The following TRDN variants were observed in gnomAD, a reference collection of about 807,000 sequenced individuals.
TRDN encodes the protein triadin in skeletal muscle.
TRDN carries 161 observed loss-of-function variants against 149.7 expected under a neutral mutation model. The observed-to-expected ratio is 1.08, with a 90% CI of 0.95 to 1.23. The LOEUF is 1.23. Among genes scored for constraint, TRDN ranks in the 50% most tolerant of loss-of-function variants. TRDN has a pLI of 0.00. For missense variants in TRDN, 896 were observed against 823.5 expected, an observed-to-expected ratio of 1.09 and a Z score of -1.08; for synonymous variants, 294 against 250.5, an observed-to-expected ratio of 1.17 and a Z score of -1.64.
At chr6:123,346,282 G>A (rs147666335) in intron 21 of TRDN, among the ~76,000 whole-genome samples, 1 of 151,958 alleles carries the variant, frequency 6.6e-6, no homozygotes, top group Non-Finnish European at 1.5e-5. Flanking sequence ...ACTATTCATA[G>A]GGTCATGTGT....
At position 123,388,516 on chromosome 6, in the gene TRDN, A is replaced by G; in HGVS notation, c.1135+6T>C. The G allele has an allele frequency of 6.3e-7, 1 of 1,586,338 alleles. No individual in the cohort carries two copies. Among genetic ancestry groups the G allele is most frequent in the South Asian group, 1.1e-5 (1 of 87,248 alleles). On this transcript the variant is annotated splice_donor_region_variant and intron_variant, in intron 14 of 40. Transcript: ENST00000334268. ...AAGGCTCAGTGGGATTTTGCATAAAACATACCTTCCTTCTTTTCATCCTTC... is the reference window on the plus strand; with the variant it reads ...AAGGCTCAGTGGGATTTTGCATAAAGCATACCTTCCTTCTTTTCATCCTTC...
Position 123,571,066 on chromosome 6 carries a change from T to C in TRDN, c.89A>G (p.Lys30Arg), listed in dbSNP as rs781494795. The change falls in exon 2 of 41, where the codon AAA (lysine) becomes AGA (arginine). Residue 30 changes from lysine to arginine, a missense_variant. By Grantham distance (26) the Lys-to-Arg change is conservative. Coordinates refer to ENST00000334268, the MANE Select transcript of TRDN (RefSeq NM_006073.4). ...TTCTGTGACTGTCCTCTTCAGCACT[T>C]TTCCGGGGGATTTGGGCACAGATCC... ...KNGSVPKSPGKVLKRTVTEDI... is the reference protein window; with the variant it reads ...KNGSVPKSPGRVLKRTVTEDI... 36 of 1,613,866 alleles carry C rather than the reference T, an allele frequency of 2.2e-5. No individual in the cohort carries two copies. Among genetic ancestry groups the C allele is most frequent in the Non-Finnish European group, 3.1e-5 (36 of 1,179,876 alleles).
At position 123,438,924 on chromosome 6, in the gene TRDN, A is replaced by T. The variant is rs1225076299; in HGVS notation, c.991+20T>A. ...GGACACTAATTGATTTATGTGGTACATGGCTTTTAAATTTCCTACCTTTCT... is the reference window on the plus strand; with the variant it reads ...GGACACTAATTGATTTATGTGGTACTTGGCTTTTAAATTTCCTACCTTTCT... On this transcript the variant is annotated intron_variant, in intron 11 of 40. Transcript: ENST00000334268. 6.5e-7 allele frequency: 1 copy of T among 1,545,424 alleles called. No homozygotes were observed. Among genetic ancestry groups the T allele is most frequent in the Non-Finnish European group, 8.8e-7 (1 of 1,141,928 alleles).
chr6:123,344,020 C>A (rs1285057220), intron 21 of TRDN, among the ~76,000 whole-genome samples: 1 of 152,002 alleles, frequency 6.6e-6, no homozygotes, highest in Non-Finnish European at 1.5e-5. Flanking sequence ...TGTCAGGATA[C>A]AAAAAGACAG....
At chr6:123,332,200 T>C (rs1779684654) in intron 22 of TRDN, among the ~76,000 whole-genome samples, 1 of 152,100 alleles carries the variant, frequency 6.6e-6, no homozygotes, top group Admixed American at 6.6e-5. Flanking sequence ...TTTGGATGGA[T>C]AGGACCTTAT....
At chr6:123,396,010 G>T (rs999796888) in intron 12 of TRDN, among the ~76,000 whole-genome samples, 2 of 152,082 alleles carry the variant, frequency 1.3e-5, no homozygotes, top group African/African-American at 4.8e-5. Context: ...TATCATCCTT[G>T]AAACTATTGA....
At chr6:123,420,780 T>C (rs1773863651) in intron 12 of TRDN, among the ~76,000 whole-genome samples, 2 of 152,204 alleles carry the variant, frequency 1.3e-5, no homozygotes, top group South Asian at 4.1e-4. Context: ...CAGAATGGAC[T>C]CACTTTTTTT....
At chr6:123,250,544 A>G (rs1319771593) in intron 38 of TRDN, among the ~76,000 whole-genome samples, 1 of 152,140 alleles carries the variant, frequency 6.6e-6, no homozygotes, top group Non-Finnish European at 1.5e-5. Context: ...AAAGCATAAT[A>G]AAAACAATAA....
chr6:123,624,130 A>G (rs1785531569), intron 1 of TRDN, among the ~76,000 whole-genome samples: 1 of 152,148 alleles, frequency 6.6e-6, no homozygotes, highest in Non-Finnish European at 1.5e-5. Flanking sequence ...AAAAATATAT[A>G]CAAGTGATGT....
At chr6:123,262,689 G>A (rs754428822) in intron 33 of TRDN, among the ~76,000 whole-genome samples, 19 of 152,090 alleles carry the variant, frequency 1.2e-4, no homozygotes, top group East Asian at 3.9e-4. Flanking sequence ...TTCCAATGGC[G>A]TTTGCTTCCT....
chr6:123,470,223 G>A (rs1777077425), intron 9 of TRDN: 3 of 152,048 alleles, frequency 2.0e-5, no homozygotes, highest in African/African-American at 7.2e-5. Flanking sequence ...CTTCCTCTGA[G>A]GATACAATAA....
At chr6:123,347,574 TTAG>T (rs1421666807) in intron 21 of TRDN, among the ~76,000 whole-genome samples, 1 of 152,042 alleles carries the variant, frequency 6.6e-6, no homozygotes, top group Non-Finnish European at 1.5e-5. Context: ...GTCATTCCAT[TTAG>T]TAGATTTAAA....
intron 20 of TRDN, among the ~76,000 whole-genome samples, chr6:123,356,731 T>G (rs1229950551): frequency 6.6e-6 from 1 of 150,548 alleles, no homozygotes; most frequent in Non-Finnish European, 1.5e-5. Flanking sequence ...GGAATAGAAT[T>G]ACAATTATAA....
chr6:123,219,331 A>G lies in TRDN; in HGVS notation c.2051-591T>C, dbSNP rs540714238. Among the ~76,000 whole-genome samples, 339 of 151,908 alleles carry G rather than the reference A, an allele frequency of 2.2e-3. 1 individual carries two copies. The highest frequency in any genetic ancestry group is 7.7e-3 in the African/African-American group (321 of 41,510). On this transcript the variant is annotated intron_variant, in intron 40 of 40. Coordinates refer to ENST00000334268, the MANE Select transcript of TRDN (RefSeq NM_006073.4). ...AAAGTTAAGGGAGTGTGGTGCAAGT[A>G]AGGACTCTGGACTCAGTAAGCCGGT...
At chr6:123,244,301 G>C (rs781413282) in intron 38 of TRDN, among the ~76,000 whole-genome samples, 5 of 152,088 alleles carry the variant, frequency 3.3e-5, no homozygotes, top group Non-Finnish European at 7.4e-5. Context: ...ACTCTTCCAA[G>C]CTAAAGGAGC....
chr6:123,284,508 A>G (rs1205647256), intron 24 of TRDN, among the ~76,000 whole-genome samples: 1 of 151,856 alleles, frequency 6.6e-6, no homozygotes, highest in Non-Finnish European at 1.5e-5. Context: ...ATACAGGGGA[A>G]ACCCCTAAAT....
At chr6:123,466,870 C>T (rs1776851395) in intron 9 of TRDN, among the ~76,000 whole-genome samples, 2 of 151,942 alleles carry the variant, frequency 1.3e-5, no homozygotes, top group South Asian at 4.2e-4. Context: ...CTGCTTTCTA[C>T]CCTGTCATAT....
Position 123,300,099 on chromosome 6 carries a change from A to G in TRDN, c.1510+16358T>C, listed in dbSNP as rs1453018479. Among the ~76,000 whole-genome samples the G allele has an allele frequency of 2.6e-5, 4 of 152,086 alleles. No homozygotes were observed. The East Asian group carries it at 7.7e-4, about 29-fold the overall frequency. On this transcript the variant is annotated intron_variant, in intron 24 of 40. Transcript: ENST00000334268. The stretch of plus-strand genomic sequence containing the variant: ...TCTGCTTCCTATGTGGTAAGTAATA[A>G]GGACTTATCTAGTGAATGGCTTGTA...
At chr6:123,464,139 C>G in intron 10 of TRDN, 1 of 521,806 alleles carries the variant, frequency 1.9e-6, no homozygotes, top group Non-Finnish European at 2.5e-6. Flanking sequence ...AGAGAAGGAA[C>G]TGTTTTCTAT....
Sources: gnomAD v4.1 joint callset for allele counts (sites outside exome capture counted in the v4.1 genomes callset) on GRCh38, gnomAD v4.1.1 for gene constraint, MANE v1.5 for transcripts, NCBI Gene and HGNC (gene_info 2026-07-23, HGNC 2026-07-21) for gene names.